The following DNAAF5 variants were observed in gnomAD, a reference collection of about 807,000 sequenced individuals.
The protein encoded by DNAAF5 is dynein axonemal assembly factor 5, also known as HEAT repeat containing 2.
In DNAAF5, 64 loss-of-function variants were observed where a neutral mutation model predicts 75.8. That is an observed-to-expected ratio of 0.84 (90% CI 0.69 to 1.04). DNAAF5 has a LOEUF of 1.04. DNAAF5 is among the 50% of genes least tolerant of loss of function. The probability of loss-of-function intolerance (pLI) is 0.00; values close to 1 mark genes in which losing one functional copy is unlikely to be tolerated. For synonymous variants in DNAAF5, 657 were observed against 557.2 expected (o/e 1.18, Z -2.52); for missense variants, 1,269 against 1,178.5 (o/e 1.08, Z -1.12).
intron 4 of DNAAF5, among the ~76,000 whole-genome samples, chr7:750,374 C>G (rs970287530): frequency 1.3e-5 from 2 of 152,190 alleles, no homozygotes; most frequent in Admixed American, 6.5e-5. Flanking sequence ...ACGCACCCCC[C>G]ACCGTTCAGC....
chr7:744,102 A>G (rs1220435856), intron 4 of DNAAF5, among the ~76,000 whole-genome samples: 1 of 151,762 alleles, frequency 6.6e-6, no homozygotes, highest in Non-Finnish European at 1.5e-5. Flanking sequence ...ACCTCACCCC[A>G]CAACAGTTCT....
At chr7:755,643 A>G (rs866477260) in intron 5 of DNAAF5, among the ~76,000 whole-genome samples, 48 of 152,224 alleles carry the variant, frequency 3.2e-4, no homozygotes, top group Admixed American at 1.8e-3. Context: ...AGGTGGGAGG[A>G]TCGCTTGAGC....
At chr7:740,788 A>G (rs1214716137) in intron 2 of DNAAF5, 31 bp from the exon 3 acceptor site, 9 of 1,611,742 alleles carry the variant, frequency 5.6e-6, no homozygotes, top group African/African-American at 4.0e-5. Flanking sequence ...CTTTGCCTAC[A>G]CGAATCCTTA....
At chr7:776,566 G>A (rs1360872079) in intron 11 of DNAAF5, among the ~76,000 whole-genome samples, 7 of 152,292 alleles carry the variant, frequency 4.6e-5, no homozygotes, top group East Asian at 1.9e-4. Context: ...AGACGGGGCC[G>A]GGCCACCCTG....
intron 8 of DNAAF5, 47 bp from the exon 9 acceptor site, chr7:770,424 C>T (rs1361774383): frequency 1.3e-6 from 2 of 1,576,610 alleles, no homozygotes; most frequent in Non-Finnish European, 1.7e-6. Flanking sequence ...GGGGCCTCCT[C>T]CCGTCTCCTG....
Position 780,035 on chromosome 7 carries a change from C to T in DNAAF5, c.2322C>T (p.Val774=). The T allele has an allele frequency of 6.2e-7, 1 of 1,614,198 alleles. No individual in the cohort carries two copies. Residue 774 remains valine (V), a synonymous_variant, in exon 12 of 13, where the codon GTC becomes GTT. Coordinates refer to ENST00000297440, the MANE Select transcript of DNAAF5 (RefSeq NM_017802.4). ...CCTTGGTCACCTGGCTGCAGTGTGT[C>T]AAGGGTGCCAACGCAAAATCCTACT... ...ASTLVTWLQC[V]KGANAKSYYQ...
intron 4 of DNAAF5, among the ~76,000 whole-genome samples, chr7:745,891 C>A (rs1782084595): frequency 6.6e-6 from 1 of 152,198 alleles, no homozygotes; most frequent in Non-Finnish European, 1.5e-5. Context: ...GGGAATGTTC[C>A]TGACTGATAA....
At position 785,499 on chromosome 7, in the gene DNAAF5, TG is replaced by T; in HGVS notation, c.2432-17del. The T allele has an allele frequency of 6.2e-7, 1 of 1,611,550 alleles. No individual in the cohort carries two copies. The highest frequency in any genetic ancestry group is 1.3e-5 in the African/African-American group (1 of 75,018). The stretch of plus-strand genomic sequence containing the variant: ...ATGTTTGTTTCTGGCATGTTCAAGG[TG>T]TTTTTCTGTTTTACAGAGGTCCTCA... On this transcript the variant is annotated splice_polypyrimidine_tract_variant and intron_variant, in intron 12 of 12. Transcript: ENST00000297440.
chr7:729,864 C>T lies in DNAAF5; in HGVS notation c.780+17C>T, dbSNP rs1361721068. 6.2e-7 allele frequency: 1 copy of T among 1,612,936 alleles called. No homozygotes were observed. The highest frequency in any genetic ancestry group is 1.1e-5 in the South Asian group (1 of 90,976). ...GTCCCGCAGGTAACTGGTGTTTCTC[C>T]TGGACAGTCTGTTCCTCTCTCCAAC... On this transcript the variant is annotated intron_variant, in intron 2 of 12. Coordinates refer to ENST00000297440, the MANE Select transcript of DNAAF5 (RefSeq NM_017802.4).
Position 775,130 on chromosome 7 carries a change from C to T in DNAAF5, c.2207C>T (p.Thr736Met), listed in dbSNP as rs149417565. The T allele has an allele frequency of 1.1e-5, 17 of 1,614,124 alleles. No homozygotes were observed. Among genetic ancestry groups the T allele is most frequent in the East Asian group, 6.7e-5 (3 of 44,886 alleles). Residue 736 changes from threonine to methionine, a missense_variant, in exon 11 of 13, where the codon ACG becomes ATG. By Grantham distance (81) the Thr-to-Met change is moderately conservative (BLOSUM62 -1). Transcript: ENST00000297440. ...TTCTTAAAAACCTCGGGCGGCATGA[C>T]GGATCCAGAGAAACTCATCAGGATT... ...NTFLKTSGGM[T>M]DPEKLIRIYP...
chr7:765,628 G>A (rs888900970), intron 8 of DNAAF5, among the ~76,000 whole-genome samples: 1 of 152,212 alleles, frequency 6.6e-6, no homozygotes, highest in African/African-American at 2.4e-5. Flanking sequence ...CACATCTCCT[G>A]TCATTCACTG....
intron 8 of DNAAF5, chr7:769,308 C>T (rs1778472995): frequency 1.5e-6 from 1 of 668,640 alleles, no homozygotes; most frequent in South Asian, 1.6e-5. Context: ...CACCCTGAGC[C>T]TTCAGCTCCT....
intron 12 of DNAAF5, among the ~76,000 whole-genome samples, chr7:784,346 C>T (rs968970680): frequency 3.3e-5 from 5 of 152,202 alleles, no homozygotes; most frequent in Admixed American, 1.3e-4. Flanking sequence ...AACCCTGGGC[C>T]GCTACCCCCC....
intron 5 of DNAAF5, among the ~76,000 whole-genome samples, chr7:755,919 T>TGA (rs752579298): frequency 4.6e-5 from 7 of 152,160 alleles, no homozygotes; most frequent in Non-Finnish European, 7.4e-5. Context: ...GAGACGTGTG[T>TGA]GGGATCCGCT....
intron 9 of DNAAF5, 135 bp from the exon 10 acceptor site, chr7:773,913 G>A: frequency 1.1e-6 from 1 of 948,726 alleles, no homozygotes. Context: ...CTGAGAGGAG[G>A]AGGGGCCTCG....
At chr7:759,022 AGGGT>A (rs1283054226) in intron 6 of DNAAF5, among the ~76,000 whole-genome samples, 2 of 152,112 alleles carry the variant, frequency 1.3e-5, no homozygotes, top group African/African-American at 4.8e-5. Flanking sequence ...TTGGCAAGAA[AGGGT>A]GAAGGTACTC....
At position 745,656 on chromosome 7, in the gene DNAAF5, CTT is replaced by C. The variant is rs751573006; in HGVS notation, c.1024+4192_1024+4193del. ...ATGTATATCCTCACACACGTACACA[CTT>C]ATCCTCACACACGTGTACACACATA... On this transcript the variant is annotated intron_variant, in intron 4 of 12. Transcript: ENST00000297440. Among the ~76,000 whole-genome samples, 935 of 151,988 alleles carry C rather than the reference CTT, an allele frequency of 6.2e-3. 1 individual carries two copies. The highest frequency in any genetic ancestry group is 6.8e-3 in the African/African-American group (281 of 41,498).
At chr7:759,781 C>T (rs1782588456) in intron 6 of DNAAF5, among the ~76,000 whole-genome samples, 1 of 152,138 alleles carries the variant, frequency 6.6e-6, no homozygotes, top group South Asian at 2.1e-4. Context: ...GCCTGATTCC[C>T]TGTTTGTTCC....
At chr7:731,205 T>C (rs1197680615) in intron 2 of DNAAF5, among the ~76,000 whole-genome samples, 2 of 152,174 alleles carry the variant, frequency 1.3e-5, no homozygotes, top group African/African-American at 2.4e-5. Flanking sequence ...TGACTCTGTA[T>C]GGAGAGCTCT....
Sources: gnomAD v4.1 joint callset for allele counts (sites outside exome capture counted in the v4.1 genomes callset) on GRCh38, gnomAD v4.1.1 for gene constraint, MANE v1.5 for transcripts, NCBI Gene and HGNC (gene_info 2026-07-23, HGNC 2026-07-21) for gene names.